RGL1: variants seen among roughly 807,000 people sequenced by gnomAD.
The protein encoded by RGL1 is ral guanine nucleotide dissociation stimulator-like 1.
In RGL1, 24 loss-of-function variants were observed where a neutral mutation model predicts 95.2. The ratio of observed to expected loss-of-function variants is 0.25; its 90% CI spans 0.18 to 0.35. The LOEUF (loss-of-function observed/expected upper bound fraction) is 0.35, where lower values mean the gene tolerates loss of function less well. RGL1 is among the 10% of genes least tolerant of loss of function. The pLI is 1.00. For missense variants in RGL1, 715 were observed against 936.3 expected, an observed-to-expected ratio of 0.76 and a Z score of 3.08; for synonymous variants, 329 against 344.9, an observed-to-expected ratio of 0.95 and a Z score of 0.51.
chr1:183,832,767 A>C (rs1663348363), intron 2 of RGL1, among the ~76,000 whole-genome samples: 1 of 152,188 alleles, frequency 6.6e-6, no homozygotes, highest in Non-Finnish European at 1.5e-5. Context: ...AATGGGGATA[A>C]TAAATGTATC....
chr1:183,901,873 T>G (rs1260252237), intron 11 of RGL1, among the ~76,000 whole-genome samples: 1 of 152,220 alleles, frequency 6.6e-6, no homozygotes, highest in Non-Finnish European at 1.5e-5. Context: ...TACTACCCCC[T>G]TGTTATCATA....
At chr1:183,719,483 G>A (rs2102199910) in intron 1 of RGL1, among the ~76,000 whole-genome samples, 1 of 152,324 alleles carries the variant, frequency 6.6e-6, no homozygotes, top group Middle Eastern at 3.4e-3. Flanking sequence ...TCTGTCTCCT[G>A]ATGTCCTTGC....
At chr1:183,779,406 G>A (rs1333628221) in intron 2 of RGL1, among the ~76,000 whole-genome samples, 2 of 151,784 alleles carry the variant, frequency 1.3e-5, no homozygotes, top group African/African-American at 4.8e-5. Context: ...GTGCCACCTC[G>A]CCCAGCTAAT....
chr1:183,648,801 T>C (rs963956451), intron 1 of RGL1: 12 of 1,549,868 alleles, frequency 7.7e-6, no homozygotes, highest in Non-Finnish European at 1.0e-5. Flanking sequence ...TACTGTCTTC[T>C]AGCTGCAAAC....
At chr1:183,916,345 C>G (rs376279026) in intron 15 of RGL1, 102 bp from the exon 16 acceptor site, 2 of 1,373,528 alleles carry the variant, frequency 1.5e-6, no homozygotes. Context: ...GAGGAAATAA[C>G]TGCAGTCTAT....
intron 1 of RGL1, among the ~76,000 whole-genome samples, chr1:183,715,740 C>G (rs1445820031): frequency 8.1e-6 from 1 of 123,118 alleles, no homozygotes; most frequent in African/African-American, 3.1e-5. Context: ...ATACCTGTAT[C>G]TTTCTATAAC....
chr1:183,819,537 A>G (rs551149583), intron 2 of RGL1, among the ~76,000 whole-genome samples: 1 of 152,300 alleles, frequency 6.6e-6, no homozygotes, highest in South Asian at 2.1e-4. Flanking sequence ...TGTAAAGTTT[A>G]TGCAAGAGGT....
rs77529610 is a variant in RGL1 at position 183,853,792 on chromosome 1, C to T, written c.347+6018C>T. Among the ~76,000 whole-genome samples, 1,011 of 152,258 alleles carry T rather than the reference C, an allele frequency of 6.6e-3. 9 individuals carry two copies. Among genetic ancestry groups the T allele is most frequent in the Admixed American group, 0.017 (256 of 15,302 alleles). ...GACTTGGAAGCTCTTTCCAAGTGTA[C>T]AATATCACCTTCCTTGATTTGTTAA... On this transcript the variant is annotated intron_variant, in intron 3 of 17. Transcript: ENST00000360851.
At chr1:183,751,035 G>A (rs1167923947) in intron 2 of RGL1, among the ~76,000 whole-genome samples, 1 of 152,348 alleles carries the variant, frequency 6.6e-6, no homozygotes, top group East Asian at 1.9e-4. Flanking sequence ...AGGAGGCATG[G>A]GGGACAGGGA....
rs1203853357 is a variant in RGL1 at position 183,688,468 on chromosome 1, G to A, written c.-33+51967G>A. On this transcript the variant is annotated intron_variant, in intron 1 of 18. Coordinates refer to the RGL1 transcript ENST00000304685. ...TCTGGATCTACTGAAGAGAGAGAGA[G>A]AGAGAGAGACAGCAAGGACTTTCAT... Among the ~76,000 whole-genome samples the A allele has an allele frequency of 5.3e-5, 8 of 152,236 alleles. No individual in the cohort carries two copies. The East Asian group carries it at 1.5e-3, about 29-fold the overall frequency.
At chr1:183,706,422 A>G (rs1308900847) in intron 1 of RGL1, among the ~76,000 whole-genome samples, 1 of 152,214 alleles carries the variant, frequency 6.6e-6, no homozygotes, top group East Asian at 1.9e-4. Context: ...CTTGGATCAC[A>G]TGAAGAGATG....
chr1:183,922,408 GT>G, intron 17 of RGL1, 72 bp downstream of exon 17: 2 of 1,111,174 alleles, frequency 1.8e-6, no homozygotes, highest in Non-Finnish European at 2.7e-6. Flanking sequence ...AGTGCTCCGC[GT>G]TTAGAAGGCA....
chr1:183,752,613 A>G (rs576670885), intron 2 of RGL1, among the ~76,000 whole-genome samples: 57 of 44,404 alleles, frequency 1.3e-3, no homozygotes, highest in African/African-American at 3.5e-3. Flanking sequence ...GCTCGAGAAC[A>G]CTTTTTTTTT....
chr1:183,769,090 T>C (rs1008801227), intron 2 of RGL1, among the ~76,000 whole-genome samples: 1 of 152,236 alleles, frequency 6.6e-6, no homozygotes, highest in Non-Finnish European at 1.5e-5. Flanking sequence ...TTTTAACAGT[T>C]TTACCTAGAT....
At chr1:183,757,657 A>T (rs1363800862) in intron 2 of RGL1, among the ~76,000 whole-genome samples, 1 of 152,202 alleles carries the variant, frequency 6.6e-6, no homozygotes, top group Non-Finnish European at 1.5e-5. Context: ...AGAAAAAGAA[A>T]ATATCATTTA....
At chr1:183,863,834 C>T (rs866290116) in intron 3 of RGL1, among the ~76,000 whole-genome samples, 7 of 152,142 alleles carry the variant, frequency 4.6e-5, no homozygotes, top group African/African-American at 9.7e-5. Flanking sequence ...CAAGCAGTCA[C>T]TCTGATCCCA....
At chr1:183,774,213 C>G (rs770839424) in intron 2 of RGL1, among the ~76,000 whole-genome samples, 43 of 152,328 alleles carry the variant, frequency 2.8e-4, no homozygotes, top group Admixed American at 5.2e-4. Flanking sequence ...AGAGGCTTCA[C>G]TGTCCCAGAC....
intron 7 of RGL1, 95 bp from the exon 8 acceptor site, chr1:183,888,379 C>A: frequency 1.3e-6 from 1 of 741,182 alleles, no homozygotes; most frequent in Non-Finnish European, 2.3e-6. Flanking sequence ...GGTAAGAATT[C>A]ATAGCAGCTG....
At position 183,768,111 on chromosome 1, in the gene RGL1, G is replaced by A. The variant is rs186605765; in HGVS notation, c.132+25822G>A. Among the ~76,000 whole-genome samples the A allele has an allele frequency of 1.1e-3, 164 of 150,680 alleles. 1 individual carries two copies. The highest frequency in any genetic ancestry group is 1.8e-3 in the Non-Finnish European group (122 of 67,776). Reference sequence around the variant, plus strand: ...AGAATATTTTACTGTCTAAACTTCCGTCTTCTCTGTATGTGCATGAAGGTA... The same window carrying A: ...AGAATATTTTACTGTCTAAACTTCCATCTTCTCTGTATGTGCATGAAGGTA... On this transcript the variant is annotated intron_variant, in intron 2 of 18. Coordinates refer to the RGL1 transcript ENST00000304685.
Sources: allele counts gnomAD v4.1 joint callset (sites outside exome capture counted in the v4.1 genomes callset), GRCh38; gene constraint gnomAD v4.1.1; transcripts MANE v1.5; gene names NCBI Gene and HGNC (gene_info 2026-07-23, HGNC 2026-07-21).